The following DDX10 variants were observed in gnomAD, a reference collection of about 807,000 sequenced individuals.
DDX10 encodes DEAD-box helicase 10, also known as probable ATP-dependent RNA helicase DDX10.
Under a neutral mutation model 104.3 loss-of-function variants are expected in DDX10, and 74 were observed. The observed-to-expected ratio is 0.71, with a 90% CI of 0.59 to 0.86. The LOEUF (loss-of-function observed/expected upper bound fraction) is 0.86. Ranked by LOEUF, DDX10 falls within the 40% of genes least tolerant of loss-of-function variation. DDX10 has a pLI of 0.00. For missense variants in DDX10, 952 were observed against 1,040.0 expected (o/e 0.92, Z 1.16); for synonymous variants, 351 against 353.4 (o/e 0.99, Z 0.08).
intron 10 of DDX10, among the ~76,000 whole-genome samples, chr11:108,708,706 T>TAA (rs888867948): frequency 1.3e-5 from 2 of 152,058 alleles, no homozygotes; most frequent in African/African-American, 2.4e-5. Context: ...AAGCTAGAAT[T>TAA]ACAGGCATGT....
intron 16 of DDX10, among the ~76,000 whole-genome samples, chr11:108,872,772 G>C (rs918599097): frequency 6.6e-6 from 1 of 151,906 alleles, no homozygotes; most frequent in Non-Finnish European, 1.5e-5. Flanking sequence ...GTGTTTTTTG[G>C]TGCAGATACA....
chr11:108,753,318 G>T (rs528525504), intron 13 of DDX10, among the ~76,000 whole-genome samples: 13 of 152,122 alleles, frequency 8.5e-5, no homozygotes, highest in Non-Finnish European at 1.8e-4. Context: ...CTTAGTTTTA[G>T]ATTAAAATAA....
intron 16 of DDX10, among the ~76,000 whole-genome samples, chr11:108,917,458 C>G (rs1232627744): frequency 6.6e-6 from 1 of 152,004 alleles, no homozygotes; most frequent in Non-Finnish European, 1.5e-5. Context: ...TGGCTATTCA[C>G]AGGCGTGATC....
chr11:108,781,612 T>A (rs956040127), intron 13 of DDX10, among the ~76,000 whole-genome samples: 84 of 152,302 alleles, frequency 5.5e-4, no homozygotes, highest in African/African-American at 2.0e-3. Context: ...GTTTTGTTTT[T>A]CAAAATCGTT....
At chr11:108,914,008 T>A (rs1347112160) in intron 16 of DDX10, among the ~76,000 whole-genome samples, 2 of 152,180 alleles carry the variant, frequency 1.3e-5, no homozygotes, top group African/African-American at 4.8e-5. Flanking sequence ...ATTGCAGTCA[T>A]TTTGTAGGTC....
At chr11:108,712,906 C>T (rs771269760) in intron 10 of DDX10, among the ~76,000 whole-genome samples, 1 of 151,778 alleles carries the variant, frequency 6.6e-6, no homozygotes, top group Non-Finnish European at 1.5e-5. Context: ...AAGTGTTTCT[C>T]TTTCACTTTT....
At chr11:108,683,680 G>A (rs932797702) in intron 6 of DDX10, among the ~76,000 whole-genome samples, 1 of 151,936 alleles carries the variant, frequency 6.6e-6, no homozygotes, top group Non-Finnish European at 1.5e-5. Flanking sequence ...ATTTCATCAG[G>A]GTTTGCAAAA....
intron 7 of DDX10, among the ~76,000 whole-genome samples, 190 bp downstream of exon 7, chr11:108,689,252 T>G (rs1208273882): frequency 2.0e-5 from 3 of 152,222 alleles, no homozygotes; most frequent in Non-Finnish European, 4.4e-5. Flanking sequence ...ACTGTGTCTT[T>G]TCTTAGGTAT....
At chr11:108,840,955 C>G (rs73009381) in intron 14 of DDX10, among the ~76,000 whole-genome samples, 2,868 of 152,314 alleles carry the variant, frequency 0.019, 44 homozygotes, top group Non-Finnish European at 0.033. Context: ...CTGTGTCCTA[C>G]TCAGCCCGAC....
rs2094208355 is a variant in DDX10, at chr11:108,665,173, C to T, written c.20C>T (p.Ser7Phe). The T allele has an allele frequency of 1.2e-6, 2 of 1,610,816 alleles. No homozygotes were observed. The highest frequency in any genetic ancestry group is 1.3e-5 in the African/African-American group (1 of 74,884). MGKTAN[S>F]PGSGARPDPV... ...GCCGCAATGGGCAAAACGGCCAACT[C>T]TCCGGGTTCGGGAGCCCGACCCGAC... The change falls in exon 1 of 18, where the codon TCT becomes TTT. Residue 7 changes from serine to phenylalanine, a missense_variant. Physicochemically the swap from Ser to Phe is radical, Grantham distance 155. This residue lies in a region of DDX10 where 412 missense variants were observed against 479.2 expected (regional missense o/e 0.86). Transcript: ENST00000322536.
chr11:108,850,367 A>G (rs1862774181), intron 15 of DDX10, among the ~76,000 whole-genome samples: 1 of 152,162 alleles, frequency 6.6e-6, no homozygotes, highest in Non-Finnish European at 1.5e-5. Context: ...GATTAAAATG[A>G]CTAAATGGAA....
At chr11:108,827,780 A>G (rs1407038007) in intron 13 of DDX10, among the ~76,000 whole-genome samples, 3 of 152,156 alleles carry the variant, frequency 2.0e-5, no homozygotes, top group Non-Finnish European at 2.9e-5. Flanking sequence ...CTGTTGCTAT[A>G]GCCGGTATGT....
At chr11:108,742,288 C>G (rs34138098) in intron 13 of DDX10, among the ~76,000 whole-genome samples, 23,851 of 148,318 alleles carry the variant, frequency 0.16, 1,902 homozygotes, top group East Asian at 0.26. Context: ...AAAAAAAACC[C>G]TGGGCATGGT....
intron 16 of DDX10, among the ~76,000 whole-genome samples, chr11:108,910,970 C>T (rs1243232494): frequency 6.6e-6 from 1 of 152,074 alleles, no homozygotes; most frequent in African/African-American, 2.4e-5. Flanking sequence ...CATAATCAGT[C>T]GGCCACATGT....
intron 13 of DDX10, among the ~76,000 whole-genome samples, chr11:108,802,948 G>A (rs1483820554): frequency 2.6e-5 from 4 of 152,100 alleles, no homozygotes; most frequent in African/African-American, 9.7e-5. Context: ...AAAACTAAAT[G>A]TTTGCAGCCA....
At chr11:108,883,716 A>G (rs2553761) in intron 16 of DDX10, among the ~76,000 whole-genome samples, 115,046 of 151,962 alleles carry the variant, frequency 0.76, 43,892 homozygotes, top group Admixed American at 0.8. Context: ...CCACTTGACC[A>G]AAACCTGTCT....
rs961889836 is a variant in DDX10, at chr11:108,911,619, G to A, written c.2305-6254G>A. Among the ~76,000 whole-genome samples the A allele has an allele frequency of 6.0e-5, 8 of 132,460 alleles. No homozygotes were observed. The East Asian group carries it at 9.5e-4, about 16-fold the overall frequency. 86.9% of individuals were successfully genotyped at this position (132,460 alleles called of 152,430 possible). On this transcript the variant is annotated intron_variant, in intron 16 of 17. Transcript: ENST00000322536. ...GGACCTAGCTCTATCACCCACTGGC[G>A]TGCAGTGGCATGATCTTGGCTCACT...
At chr11:108,932,601 G>A (rs1321276873) in intron 17 of DDX10, among the ~76,000 whole-genome samples, 1 of 152,074 alleles carries the variant, frequency 6.6e-6, no homozygotes. Flanking sequence ...GTTCTCAAGA[G>A]TCAGGGATGT....
chr11:108,819,076 C>A (rs1351628767), intron 13 of DDX10, among the ~76,000 whole-genome samples: 2 of 152,152 alleles, frequency 1.3e-5, no homozygotes, highest in Non-Finnish European at 2.9e-5. Flanking sequence ...AGTTTTTGCT[C>A]TTCCTTGTTC....
Sources: allele counts gnomAD v4.1 joint callset (sites outside exome capture counted in the v4.1 genomes callset), GRCh38; gene constraint gnomAD v4.1.1; regional missense constraint gnomAD v4.1.1; transcripts MANE v1.5; gene names NCBI Gene and HGNC (gene_info 2026-07-23, HGNC 2026-07-21).